EYS: variants seen among roughly 807,000 people sequenced by gnomAD.
EYS encodes protein eyes shut homolog.
EYS carries 250 observed loss-of-function variants against 282.1 expected under a neutral mutation model. The observed-to-expected ratio is 0.89, with a 90% CI of 0.80 to 0.98. The LOEUF (loss-of-function observed/expected upper bound fraction) is 0.98, where lower values mean the gene tolerates loss of function less well. Among genes scored for constraint, EYS ranks in the 50% least tolerant of loss-of-function variants. The probability of loss-of-function intolerance (pLI) is 0.00; values close to 1 mark genes in which losing one functional copy is unlikely to be tolerated. For missense variants in EYS, 4,016 were observed against 3,709.0 expected, an observed-to-expected ratio of 1.08 and a Z score of -2.15; for synonymous variants, 1,355 against 1,282.9, an observed-to-expected ratio of 1.06 and a Z score of -1.20.
intron 12 of EYS, among the ~76,000 whole-genome samples, chr6:65,207,260 A>T (rs1430595330): frequency 1.3e-5 from 2 of 151,644 alleles, no homozygotes; most frequent in Non-Finnish European, 3.0e-5. Context: ...AAAAAACTCA[A>T]TCCTGTTTAA....
At chr6:64,351,119 G>A (rs570526102) in intron 29 of EYS, among the ~76,000 whole-genome samples, 10 of 150,590 alleles carry the variant, frequency 6.6e-5, no homozygotes, top group East Asian at 2.0e-4. Flanking sequence ...TCATAGTAGC[G>A]TGAGAATGGA....
chr6:64,126,264 T>C (rs1773782007), intron 31 of EYS, among the ~76,000 whole-genome samples: 1 of 151,004 alleles, frequency 6.6e-6, no homozygotes, highest in Admixed American at 6.7e-5. Context: ...CGTATGTTTA[T>C]TGCGGCACTA....
At chr6:65,626,870 T>C (rs6903740) in intron 2 of EYS, among the ~76,000 whole-genome samples, 142,223 of 150,998 alleles carry the variant, frequency 0.94, 67,257 homozygotes, top group Non-Finnish European at 0.99. Flanking sequence ...AGAGAGCCCC[T>C]GGCTCAATGG....
chr6:65,459,747 G>A (rs1310016001), intron 5 of EYS, among the ~76,000 whole-genome samples: 2 of 150,692 alleles, frequency 1.3e-5, no homozygotes, highest in Non-Finnish European at 3.0e-5. Flanking sequence ...TACATGGAGA[G>A]ACAAATATTT....
At chr6:64,047,754 T>C (rs1443327591) in intron 33 of EYS, among the ~76,000 whole-genome samples, 2 of 152,132 alleles carry the variant, frequency 1.3e-5, no homozygotes, top group Non-Finnish European at 2.9e-5. Flanking sequence ...TCTTAGAAGG[T>C]TAAGTCACTT....
rs542570234 is a variant in EYS at position 64,611,096 on chromosome 6, G to A, written c.3684+6322C>T. Among the ~76,000 whole-genome samples the A allele has an allele frequency of 3.2e-4, 48 of 152,190 alleles. No homozygotes were observed. In the South Asian group the frequency reaches 9.7e-3, roughly 31 times the overall value. On this transcript the variant is annotated intron_variant, in intron 24 of 42. Coordinates refer to ENST00000503581, the MANE Select transcript of EYS (RefSeq NM_001142800.2). Reference sequence around the variant, plus strand: ...AGGTGGTAGATTTCATAAAAGCTAGGATCTTGGCTCTCTGTTACCAGAGCC... The same window carrying A: ...AGGTGGTAGATTTCATAAAAGCTAGAATCTTGGCTCTCTGTTACCAGAGCC...
At chr6:63,817,860 C>T (rs558792922) in intron 36 of EYS, among the ~76,000 whole-genome samples, 2 of 152,258 alleles carry the variant, frequency 1.3e-5, no homozygotes, top group Non-Finnish European at 2.9e-5. Flanking sequence ...CCTGAGAGGC[C>T]AGGCCATGGT....
chr6:64,193,903 A>T (rs1307743421), intron 31 of EYS, among the ~76,000 whole-genome samples: 4 of 152,100 alleles, frequency 2.6e-5, no homozygotes, highest in Admixed American at 6.6e-5. Flanking sequence ...TCTATCATTG[A>T]TGGACATTTG....
intron 12 of EYS, among the ~76,000 whole-genome samples, chr6:65,095,109 A>C (rs1300519216): frequency 6.6e-6 from 1 of 151,298 alleles, no homozygotes; most frequent in Non-Finnish European, 1.5e-5. Flanking sequence ...AATTCCTAGA[A>C]ACATACAACC....
chr6:64,421,132 C>T (rs1024484857), intron 28 of EYS, among the ~76,000 whole-genome samples: 2 of 152,158 alleles, frequency 1.3e-5, no homozygotes, highest in African/African-American at 4.8e-5. Flanking sequence ...AATTAACTCA[C>T]AGTTCAGCAT....
At chr6:65,658,485 T>A (rs1039700144) in intron 1 of EYS, among the ~76,000 whole-genome samples, 6 of 151,654 alleles carry the variant, frequency 4.0e-5, no homozygotes, top group African/African-American at 1.2e-4. Flanking sequence ...AAAAGTTTAT[T>A]TCTTTAAAAA....
chr6:65,563,317 G>C (rs1769136431), intron 2 of EYS, among the ~76,000 whole-genome samples: 1 of 151,908 alleles, frequency 6.6e-6, no homozygotes, highest in African/African-American at 2.4e-5. Context: ...AAATTCAGTA[G>C]AATATTCAAT....
intron 2 of EYS, among the ~76,000 whole-genome samples, chr6:65,586,785 G>A (rs530333283): frequency 6.6e-6 from 1 of 152,104 alleles, no homozygotes; most frequent in African/African-American, 2.4e-5. Flanking sequence ...TACATTCCCT[G>A]TCCAATTCTA....
At chr6:63,860,495 C>A (rs1772506716) in intron 36 of EYS, among the ~76,000 whole-genome samples, 1 of 152,142 alleles carries the variant, frequency 6.6e-6, no homozygotes, top group African/African-American at 2.4e-5. Flanking sequence ...TCAAACATTT[C>A]TCTCTTTTGC....
intron 22 of EYS, among the ~76,000 whole-genome samples, chr6:64,711,565 C>T (rs1771214268): frequency 6.6e-6 from 1 of 152,068 alleles, no homozygotes; most frequent in African/African-American, 2.4e-5. Flanking sequence ...TTAGGCATCA[C>T]CGGAAAATGT....
intron 12 of EYS, among the ~76,000 whole-genome samples, chr6:65,143,374 G>T (rs1021328341): frequency 2.0e-5 from 3 of 151,356 alleles, no homozygotes; most frequent in African/African-American, 7.3e-5. Context: ...GTCATCAATG[G>T]GATATAAAGG....
intron 2 of EYS, among the ~76,000 whole-genome samples, chr6:65,498,164 T>A: frequency 6.6e-6 from 1 of 152,112 alleles, no homozygotes; most frequent in Admixed American, 6.6e-5. Context: ...GGGAGAAGTC[T>A]GATTCACTTG....
At chr6:65,204,585 G>A (rs907237047) in intron 12 of EYS, among the ~76,000 whole-genome samples, 2 of 151,806 alleles carry the variant, frequency 1.3e-5, no homozygotes, top group Admixed American at 1.3e-4. Flanking sequence ...CATCATAAAA[G>A]CATATATAAG....
chr6:65,120,883 C>T (rs1223365201), intron 12 of EYS, among the ~76,000 whole-genome samples: 2 of 152,160 alleles, frequency 1.3e-5, no homozygotes, highest in Non-Finnish European at 2.9e-5. Context: ...CCCTCTACTT[C>T]ACCTTAACAC....
Sources: allele counts gnomAD v4.1 joint callset (sites outside exome capture counted in the v4.1 genomes callset), GRCh38; gene constraint gnomAD v4.1.1; transcripts MANE v1.5; gene names NCBI Gene and HGNC (gene_info 2026-07-23, HGNC 2026-07-21).